The following CLDN18 variants were observed in gnomAD, a reference collection of about 807,000 sequenced individuals.
CLDN18 encodes the protein claudin-18.
Under a neutral mutation model 25.0 loss-of-function variants are expected in CLDN18, and 20 were observed. That is an observed-to-expected ratio of 0.80 (90% confidence interval 0.56 to 1.16). The LOEUF is 1.16. CLDN18 is among the 50% of genes most tolerant of loss of function. The probability of loss-of-function intolerance (pLI) is 0.00; values close to 1 mark genes in which losing one functional copy is unlikely to be tolerated. For missense variants in CLDN18, 297 were observed against 345.4 expected, an observed-to-expected ratio of 0.86 and a Z score of 1.11; for synonymous variants, 125 against 135.6, an observed-to-expected ratio of 0.92 and a Z score of 0.54.
chr3:138,029,734 TG>T, intron 3 of CLDN18, 62 bp from the exon 4 acceptor site: 1 of 959,606 alleles, frequency 1.0e-6, no homozygotes, highest in Non-Finnish European at 1.6e-6. Flanking sequence ...CACAGCCAGG[TG>T]CAGTGGGTGG....
intron 1 of CLDN18, among the ~76,000 whole-genome samples, chr3:138,003,099 T>A (rs1331986326): frequency 2.0e-5 from 3 of 152,124 alleles, no homozygotes. Context: ...GTGGGCCATA[T>A]AATTCTTTTC....
At chr3:137,999,312 G>A (rs1271547116) in intron 1 of CLDN18, among the ~76,000 whole-genome samples, 1 of 152,184 alleles carries the variant, frequency 6.6e-6, no homozygotes. Flanking sequence ...TAACTGGATG[G>A]TGCCCAATTC....
At chr3:138,008,770 A>C (rs763096085), upstream of CLDN18, among the ~76,000 whole-genome samples, 8 of 151,896 alleles carry the variant, frequency 5.3e-5, no homozygotes, top group Non-Finnish European at 1.2e-4. Flanking sequence ...TACTAAAAAC[A>C]TAAAAATTAG....
chr3:138,008,218 G>C (rs949893506), upstream of CLDN18, among the ~76,000 whole-genome samples: 7 of 144,226 alleles, frequency 4.9e-5, no homozygotes, highest in Admixed American at 6.9e-5. Context: ...GTATGTATGT[G>C]GGGGGGGAGT....
At chr3:138,007,154 A>G (rs1269157562), upstream of CLDN18, among the ~76,000 whole-genome samples, 1 of 152,196 alleles carries the variant, frequency 6.6e-6, no homozygotes, top group Non-Finnish European at 1.5e-5. Context: ...AGAGCTTTTT[A>G]AGAATAAAAG....
intron 1 of CLDN18, among the ~76,000 whole-genome samples, chr3:138,011,808 C>T (rs1489831363): frequency 6.6e-6 from 1 of 152,312 alleles, no homozygotes; most frequent in South Asian, 2.1e-4. Context: ...AGTCTCCATA[C>T]ATGGGGCTCC....
intron 1 of CLDN18, among the ~76,000 whole-genome samples, chr3:138,022,439 A>G (rs1942282896): frequency 6.6e-6 from 1 of 152,242 alleles, no homozygotes; most frequent in Non-Finnish European, 1.5e-5. Flanking sequence ...AACATTTATA[A>G]CAATTTGACA....
At chr3:138,018,322 G>C (rs1478471059) in intron 1 of CLDN18, among the ~76,000 whole-genome samples, 4 of 151,146 alleles carry the variant, frequency 2.6e-5, no homozygotes, top group Admixed American at 6.6e-5. Flanking sequence ...AGACAAACAG[G>C]CTCCCTCAAG....
At chr3:138,016,314 G>A (rs1032911198) in intron 1 of CLDN18, among the ~76,000 whole-genome samples, 2 of 152,190 alleles carry the variant, frequency 1.3e-5, no homozygotes, top group Non-Finnish European at 2.9e-5. Flanking sequence ...GGAATGGGCT[G>A]CCTTTAGAAT....
chr3:138,031,079 G>T lies in CLDN18; in HGVS notation c.724G>T (p.Asp242Tyr). ...GSNTKNKKIY[D>Y]GGARTEDEVQ... ...CAACACCAAAAACAAGAAGATATACGATGGAGGTGCCCGCACAGAGGACGA... is the reference window on the plus strand; with the variant it reads ...CAACACCAAAAACAAGAAGATATACTATGGAGGTGCCCGCACAGAGGACGA... The change falls in exon 5 of 5, where the codon GAT becomes TAT. Residue 242 changes from aspartate (D) to tyrosine (Y), a missense_variant. Asp to Tyr is a radical substitution (Grantham distance 160). Coordinates refer to ENST00000183605, the MANE Select transcript of CLDN18 (RefSeq NM_016369.4). The T allele has an allele frequency of 6.2e-7, 1 of 1,614,110 alleles. No homozygotes were observed. Among genetic ancestry groups the T allele is most frequent in the South Asian group, 1.1e-5 (1 of 91,084 alleles).
In CLDN18 at chr3:138,026,505, C is replaced by T. The variant is rs889082595; in HGVS notation, c.503+1781C>T. 5.9e-5 allele frequency among the ~76,000 whole-genome samples: 9 copies of T among 152,090 alleles called. No individual in the cohort carries two copies. In the South Asian group the frequency reaches 6.2e-4, roughly 11 times the overall value. On this transcript the variant is annotated intron_variant, in intron 3 of 4. Coordinates refer to ENST00000183605, the MANE Select transcript of CLDN18 (RefSeq NM_016369.4). Reference sequence around the variant, plus strand: ...TACTGAAAATACAAAATTAGCTGGGCGTGGTGGCAGGCGCCTGTAGTCCCA... The same window carrying T: ...TACTGAAAATACAAAATTAGCTGGGTGTGGTGGCAGGCGCCTGTAGTCCCA...
intron 1 of CLDN18, among the ~76,000 whole-genome samples, chr3:138,020,600 C>A (rs956205284): frequency 2.6e-5 from 4 of 152,176 alleles, no homozygotes. Context: ...GGCAGCTCCA[C>A]TGATGTTAGC....
intron 3 of CLDN18, among the ~76,000 whole-genome samples, chr3:138,028,700 C>T (rs1233783346): frequency 6.6e-6 from 1 of 152,214 alleles, no homozygotes; most frequent in Non-Finnish European, 1.5e-5. Flanking sequence ...CTGCTCTCCA[C>T]CATCCAAAAA....
In CLDN18 at chr3:138,029,925, G is replaced by T; in HGVS notation, c.614+18G>T. On this transcript the variant is annotated intron_variant, in intron 4 of 4. Coordinates refer to ENST00000183605, the MANE Select transcript of CLDN18 (RefSeq NM_016369.4). ...GAAACCAAGTGAGTCTCCCTGTTCC[G>T]CTGCAACCAGACGTTTTATTTGTTC... The T allele has an allele frequency of 2.8e-6, 4 of 1,431,582 alleles. No homozygotes were observed. The highest frequency in any genetic ancestry group is 3.9e-6 in the Non-Finnish European group (4 of 1,030,212). 88.7% of individuals were successfully genotyped at this position (1,431,582 alleles called of 1,614,324 possible). A position where few individuals can be genotyped will look rare whatever the true frequency, so the allele number is the denominator to read the frequency against.
chr3:138,010,503 C>A (rs894968354), intron 1 of CLDN18, 58 bp downstream of exon 1: 2 of 1,598,336 alleles, frequency 1.3e-6, no homozygotes, highest in South Asian at 1.1e-5. Flanking sequence ...GGGAAGGGGG[C>A]GTTTGCGTTA....
intron 1 of CLDN18, among the ~76,000 whole-genome samples, chr3:138,004,168 A>G (rs1272346551): frequency 2.0e-5 from 3 of 152,202 alleles, no homozygotes; most frequent in Non-Finnish European, 2.9e-5. Flanking sequence ...TCAAAAAAAA[A>G]ATTTTAGATA....
chr3:138,018,372 T>C (rs1362634689), intron 1 of CLDN18, among the ~76,000 whole-genome samples: 16 of 142,430 alleles, frequency 1.1e-4, no homozygotes, highest in African/African-American at 4.3e-4. Flanking sequence ...AGTCTCGCTC[T>C]GTCGCCCAGG....
chr3:138,003,822 A>T (rs1942041538), intron 1 of CLDN18, among the ~76,000 whole-genome samples: 1 of 152,192 alleles, frequency 6.6e-6, no homozygotes, highest in Non-Finnish European at 1.5e-5. Flanking sequence ...GAATAATAAA[A>T]AAATTTTTTA....
rs145527346 is a variant in CLDN18, at chr3:138,026,285, A to G, written c.503+1561A>G. ...CAAACTGCCTGCCCTCACACTGTAC[A>G]CAGTCTGCAAGGTGTTTTGTATAAA... On this transcript the variant is annotated intron_variant, in intron 3 of 4. Transcript: ENST00000183605. Among the ~76,000 whole-genome samples the G allele has an allele frequency of 6.6e-4, 101 of 152,352 alleles. 1 individual carries two copies. Among genetic ancestry groups the G allele is most frequent in the African/African-American group, 2.1e-3 (89 of 41,576 alleles).
Sources: gnomAD v4.1 joint callset for allele counts (sites outside exome capture counted in the v4.1 genomes callset) on GRCh38, gnomAD v4.1.1 for gene constraint, MANE v1.5 for transcripts, NCBI Gene and HGNC (gene_info 2026-07-23, HGNC 2026-07-21) for gene names.